ERICH6: variants seen among roughly 807,000 people sequenced by gnomAD.
ERICH6 encodes the protein glutamate rich 6, also known as glutamate-rich protein 6.
Under a neutral mutation model 71.0 loss-of-function variants are expected in ERICH6, and 71 were observed. The observed-to-expected ratio is 1.00, with a 90% CI of 0.83 to 1.22. The LOEUF is 1.22. Among genes scored for constraint, ERICH6 ranks in the 50% most tolerant of loss-of-function variants. The pLI, the probability that ERICH6 is intolerant of heterozygous loss-of-function variation, is 0.00. For synonymous variants in ERICH6, 262 were observed against 278.4 expected (o/e 0.94, Z 0.59); for missense variants, 808 against 797.2 (o/e 1.01, Z -0.16).
chr3:150,670,080 A>C lies in ERICH6; in HGVS notation c.1344-629T>G, dbSNP rs1446950109. Among the ~76,000 whole-genome samples, 6 of 152,140 alleles carry C rather than the reference A, an allele frequency of 3.9e-5. No individual in the cohort carries two copies. The East Asian group carries it at 1.2e-3, about 29-fold the overall frequency. ...ATTTTGATTTTTTTAATTTAAAAAA[A>C]CCCACAATTAAAACTATACTTAATG... is the stretch of plus-strand genomic sequence containing the variant. On this transcript the variant is annotated intron_variant, in intron 11 of 13. Transcript: ENST00000295910.
At chr3:150,667,772 G>T (rs1338797985) in intron 12 of ERICH6, among the ~76,000 whole-genome samples, 2 of 151,926 alleles carry the variant, frequency 1.3e-5, no homozygotes, top group African/African-American at 4.8e-5. Flanking sequence ...TAGTGTTCTG[G>T]GTACTCAGAA....
intron 9 of ERICH6, 137 bp downstream of exon 9, chr3:150,680,331 G>C (rs1178482167): frequency 1.2e-5 from 10 of 835,884 alleles, no homozygotes; most frequent in Non-Finnish European, 1.7e-5. Context: ...GCTTCCCAAA[G>C]TGTTGGGATT....
intron 9 of ERICH6, among the ~76,000 whole-genome samples, chr3:150,678,902 G>C (rs375089774): frequency 6.6e-6 from 1 of 151,892 alleles, no homozygotes; most frequent in Non-Finnish European, 1.5e-5. Context: ...TTAACTGGGC[G>C]TGGTGGCGTG....
Position 150,682,047 on chromosome 3 carries a change from T to C in ERICH6, c.882+171A>G, listed in dbSNP as rs534387229. Among the ~76,000 whole-genome samples the C allele has an allele frequency of 2.0e-4, 31 of 152,236 alleles. 1 individual carries two copies. The South Asian group carries it at 6.4e-3, about 32-fold the overall frequency. On this transcript the variant is annotated intron_variant, in intron 7 of 13. Coordinates refer to ENST00000295910, the MANE Select transcript of ERICH6 (RefSeq NM_152394.5). ...CCAGGCTGGTCTCGAACTCCTGAGC[T>C]CAGGCAATCCACCCACCTCGGCCTC...
intron 11 of ERICH6, 52 bp from the exon 12 acceptor site, chr3:150,669,503 G>A: frequency 6.3e-7 from 1 of 1,576,256 alleles, no homozygotes; most frequent in Non-Finnish European, 8.6e-7. Context: ...TGACTATTCT[G>A]GGAACAAATT....
chr3:150,679,937 C>T (rs550479610), intron 9 of ERICH6, among the ~76,000 whole-genome samples: 9 of 152,302 alleles, frequency 5.9e-5, no homozygotes, highest in African/African-American at 9.6e-5. Context: ...GGATCACAGG[C>T]GTGAGCCACC....
chr3:150,687,710 G>A (rs748198791), intron 3 of ERICH6, among the ~76,000 whole-genome samples: 1 of 152,198 alleles, frequency 6.6e-6, no homozygotes, highest in Non-Finnish European at 1.5e-5. Context: ...AAACCAATCA[G>A]AGCAACCTAT....
At chr3:150,668,238 T>C (rs931114239) in intron 12 of ERICH6, among the ~76,000 whole-genome samples, 1 of 152,210 alleles carries the variant, frequency 6.6e-6, no homozygotes, top group Non-Finnish European at 1.5e-5. Flanking sequence ...TGTGCTGCTA[T>C]GTAGTAGCAA....
At chr3:150,688,721 TCTC>T (rs1712297151) in intron 3 of ERICH6, among the ~76,000 whole-genome samples, 1 of 152,372 alleles carries the variant, frequency 6.6e-6, no homozygotes, top group African/African-American at 2.4e-5. Flanking sequence ...ATTTGTCTCT[TCTC>T]TACCTACGAC....
intron 10 of ERICH6, among the ~76,000 whole-genome samples, chr3:150,678,060 G>A (rs908466184): frequency 6.6e-6 from 1 of 152,172 alleles, no homozygotes; most frequent in African/African-American, 2.4e-5. Flanking sequence ...ATAGCCAAAT[G>A]TAGTATTGCT....
chr3:150,661,639 A>G (rs7630919), intron 13 of ERICH6, among the ~76,000 whole-genome samples: 7,643 of 152,280 alleles, frequency 0.05, 316 homozygotes, highest in African/African-American at 0.12. Flanking sequence ...AAAAACAACT[A>G]GAGGATTTGG....
chr3:150,691,454 A>C (rs1202272865), intron 3 of ERICH6, among the ~76,000 whole-genome samples: 2 of 152,200 alleles, frequency 1.3e-5, no homozygotes, highest in Non-Finnish European at 2.9e-5. Context: ...TACAAAAATA[A>C]AGAGGTTTAT....
chr3:150,664,172 G>A (rs901859245), intron 13 of ERICH6, among the ~76,000 whole-genome samples: 1 of 151,938 alleles, frequency 6.6e-6, no homozygotes, highest in Non-Finnish European at 1.5e-5. Context: ...GATCATCAGT[G>A]TTTAATGCCA....
intron 11 of ERICH6, 136 bp downstream of exon 11, chr3:150,673,820 A>C: frequency 1.4e-6 from 1 of 692,456 alleles, no homozygotes; most frequent in Non-Finnish European, 2.4e-6. Context: ...AGCTCAAGTG[A>C]TCTGCCCACC....
At chr3:150,673,129 T>TCTTC (rs141335993) in intron 11 of ERICH6, among the ~76,000 whole-genome samples, 19 of 149,178 alleles carry the variant, frequency 1.3e-4, no homozygotes, top group African/African-American at 2.2e-4. Flanking sequence ...CTTCCTTCCT[T>TCTTC]CTTCCTTCCT....
At position 150,703,693 on chromosome 3, in the gene ERICH6, G is replaced by A. The variant is rs950639693; in HGVS notation, c.206C>T (p.Ala69Val). ...GTACTCTTCGCTGAACGTCTCAGGGGCCTCCAACTCCTGCTCTTCCCCCAC... is the reference window on the plus strand; with the variant it reads ...GTACTCTTCGCTGAACGTCTCAGGGACCTCCAACTCCTGCTCTTCCCCCAC... ...ELVGEEQELEAPETFSEEYLW... is the reference protein window; with the variant it reads ...ELVGEEQELEVPETFSEEYLW... The change falls in exon 1 of 14, where the codon GCC (alanine) becomes GTC (valine). Residue 69 changes from alanine to valine, a missense_variant. By Grantham distance (64) the Ala-to-Val change is moderately conservative (BLOSUM62 0). This residue lies in a region of ERICH6 where 19 missense variants were observed against 44.4 expected (regional missense o/e 0.43). Transcript: ENST00000295910. 6.2e-7 allele frequency: 1 copy of A among 1,608,262 alleles called. No individual in the cohort carries two copies. The highest frequency in any genetic ancestry group is 1.4e-5 in the African/African-American group (1 of 73,672).
At chr3:150,666,692 C>A (rs1403262926) in intron 13 of ERICH6, 95 bp downstream of exon 13, 1 of 1,048,850 alleles carries the variant, frequency 9.5e-7, no homozygotes, top group African/African-American at 1.6e-5. Flanking sequence ...GTAGATTATG[C>A]ACTAGTGTAA....
chr3:150,665,000 G>A (rs1237474498), intron 13 of ERICH6, among the ~76,000 whole-genome samples: 1 of 152,012 alleles, frequency 6.6e-6, no homozygotes, highest in Non-Finnish European at 1.5e-5. Context: ...AGGTGCAGGG[G>A]TGGGGGAAGG....
chr3:150,692,556 G>A (rs1032602054), intron 3 of ERICH6, among the ~76,000 whole-genome samples: 1 of 152,028 alleles, frequency 6.6e-6, no homozygotes, highest in Non-Finnish European at 1.5e-5. Flanking sequence ...TATACAGGAA[G>A]CACTGTCAAA....
Sources: allele counts gnomAD v4.1 joint callset (sites outside exome capture counted in the v4.1 genomes callset), GRCh38; gene constraint gnomAD v4.1.1; regional missense constraint gnomAD v4.1.1; transcripts MANE v1.5; gene names NCBI Gene and HGNC (gene_info 2026-07-23, HGNC 2026-07-21).